FRMD4A: variants seen among roughly 807,000 people sequenced by gnomAD.
The protein encoded by FRMD4A is FERM domain-containing protein 4A.
Under a neutral mutation model 129.1 loss-of-function variants are expected in FRMD4A, and 29 were observed. The ratio of observed to expected loss-of-function variants is 0.22; its 90% CI spans 0.17 to 0.31. The LOEUF is 0.31. Ranked by LOEUF, FRMD4A falls within the 10% of genes least tolerant of loss-of-function variation. The pLI is 1.00. For synonymous variants in FRMD4A, 634 were observed against 571.6 expected (o/e 1.11, Z -1.56); for missense variants, 1,272 against 1,375.8 (o/e 0.92, Z 1.19).
At chr10:14,277,154 G>C (rs1845370715) in intron 2 of FRMD4A, among the ~76,000 whole-genome samples, 1 of 152,180 alleles carries the variant, frequency 6.6e-6, no homozygotes, top group African/African-American at 2.4e-5. Context: ...GAGCCACGGT[G>C]CCTGGCCCCA....
At chr10:13,827,456 T>C (rs1417359879) in intron 3 of FRMD4A, among the ~76,000 whole-genome samples, 1 of 152,222 alleles carries the variant, frequency 6.6e-6, no homozygotes, top group African/African-American at 2.4e-5. Context: ...GAATTTGGCC[T>C]GAAATTTTGG....
chr10:14,201,141 C>T (rs955290911), intron 2 of FRMD4A, among the ~76,000 whole-genome samples: 4 of 152,166 alleles, frequency 2.6e-5, no homozygotes, highest in Non-Finnish European at 4.4e-5. Context: ...CGGACAGCAG[C>T]CCTGACCCCA....
intron 2 of FRMD4A, among the ~76,000 whole-genome samples, chr10:13,993,206 T>C (rs2095609785): frequency 6.6e-6 from 1 of 152,162 alleles, no homozygotes; most frequent in Non-Finnish European, 1.5e-5. Flanking sequence ...GAAGGGACAA[T>C]GGAGAAGCCT....
intron 5 of FRMD4A, among the ~76,000 whole-genome samples, chr10:13,789,353 C>A (rs2130802456): frequency 6.6e-6 from 1 of 152,292 alleles, no homozygotes; most frequent in Non-Finnish European, 1.5e-5. Context: ...GATCGGACTT[C>A]TCCTCTCTTA....
chr10:14,015,974 T>C (rs767489123), intron 2 of FRMD4A, among the ~76,000 whole-genome samples: 1 of 152,218 alleles, frequency 6.6e-6, no homozygotes, highest in South Asian at 2.1e-4. Flanking sequence ...CTCTTCTGTG[T>C]CACTACAACG....
intron 12 of FRMD4A, among the ~76,000 whole-genome samples, chr10:13,733,160 G>A (rs2090423433): frequency 6.6e-6 from 1 of 152,222 alleles, no homozygotes; most frequent in Non-Finnish European, 1.5e-5. Flanking sequence ...CTGAGATCTG[G>A]GATCAGGGTG....
chr10:13,802,945 C>T (rs557700221), intron 4 of FRMD4A, among the ~76,000 whole-genome samples: 5 of 152,142 alleles, frequency 3.3e-5, no homozygotes, highest in South Asian at 4.2e-4. Flanking sequence ...GCCAGGAGTT[C>T]GAGACCAGCC....
At chr10:14,311,965 T>A (rs1300860054) in intron 2 of FRMD4A, among the ~76,000 whole-genome samples, 2 of 152,192 alleles carry the variant, frequency 1.3e-5, no homozygotes, top group African/African-American at 4.8e-5. Context: ...CTCCCTGGTG[T>A]TAAACAATTA....
chr10:13,954,756 C>A (rs1312306604), intron 2 of FRMD4A, among the ~76,000 whole-genome samples: 2 of 152,172 alleles, frequency 1.3e-5, no homozygotes, highest in Non-Finnish European at 2.9e-5. Context: ...CAAGGCAGCA[C>A]CTGCAGTTCA....
At chr10:14,212,634 G>T (rs1278246556) in intron 2 of FRMD4A, among the ~76,000 whole-genome samples, 1 of 152,208 alleles carries the variant, frequency 6.6e-6, no homozygotes, top group Non-Finnish European at 1.5e-5. Context: ...TAGGAGACCA[G>T]GAGGATGACT....
chr10:14,039,359 TGTCC>T (rs60914319), intron 2 of FRMD4A, among the ~76,000 whole-genome samples: 2 of 128,258 alleles, frequency 1.6e-5, no homozygotes, highest in African/African-American at 5.9e-5. Flanking sequence ...CTTTCTGATC[TGTCC>T]GTCCGTCCAT....
At chr10:14,136,612 G>C (rs1249839398) in intron 2 of FRMD4A, among the ~76,000 whole-genome samples, 1 of 152,060 alleles carries the variant, frequency 6.6e-6, no homozygotes, top group East Asian at 1.9e-4. Context: ...AGACCCAAAA[G>C]AATGCCATCA....
At position 14,059,901 on chromosome 10, in the gene FRMD4A, T is replaced by C. The variant is rs180868502; in HGVS notation, c.46-200989A>G. On this transcript the variant is annotated intron_variant, in intron 2 of 24. Transcript: ENST00000357447. ...CCCTTCCAGGTATGAATGTATTTGA[T>C]AATTACAACAATCCTATGAACTAGA... 4.6e-3 allele frequency among the ~76,000 whole-genome samples: 702 copies of C among 152,328 alleles called. 4 individuals carry two copies. Among genetic ancestry groups the C allele is most frequent in the African/African-American group, 0.016 (674 of 41,578 alleles).
At chr10:14,161,569 A>C (rs1025855261) in intron 2 of FRMD4A, among the ~76,000 whole-genome samples, 8 of 152,236 alleles carry the variant, frequency 5.3e-5, no homozygotes, top group Non-Finnish European at 1.2e-4. Context: ...GCACAGAAAG[A>C]AAAATATCAC....
Position 13,977,410 on chromosome 10 carries a change from G to C in FRMD4A, c.46-118498C>G, listed in dbSNP as rs769632435. 2.2e-4 allele frequency among the ~76,000 whole-genome samples: 34 copies of C among 152,276 alleles called. 1 individual carries two copies. The highest frequency in any genetic ancestry group is 3.4e-3 in the Middle Eastern group (1 of 294). Reference sequence around the variant, plus strand: ...ATCTCCATGTGTAATCAAAATGCTGGGTAGCAGTAGTGTTGGAAGCTTTGT... The same window carrying C: ...ATCTCCATGTGTAATCAAAATGCTGCGTAGCAGTAGTGTTGGAAGCTTTGT... On this transcript the variant is annotated intron_variant, in intron 2 of 24. Coordinates refer to ENST00000357447, the MANE Select transcript of FRMD4A (RefSeq NM_018027.5).
intron 2 of FRMD4A, among the ~76,000 whole-genome samples, chr10:14,252,948 T>C (rs1430182404): frequency 1.3e-5 from 2 of 152,256 alleles, no homozygotes; most frequent in Non-Finnish European, 2.9e-5. Flanking sequence ...TCATTTATTC[T>C]TTCTTCATTC....
At chr10:14,040,129 T>C (rs773049554) in intron 2 of FRMD4A, among the ~76,000 whole-genome samples, 16 of 152,134 alleles carry the variant, frequency 1.1e-4, no homozygotes, top group Non-Finnish European at 2.2e-4. Flanking sequence ...AGAGGTTAAG[T>C]CACTGGCTCA....
chr10:13,723,265 C>T (rs1262926277), intron 12 of FRMD4A, among the ~76,000 whole-genome samples: 2 of 152,172 alleles, frequency 1.3e-5, no homozygotes, highest in African/African-American at 4.8e-5. Context: ...TTGCCAGTAA[C>T]CCTGGTTTGT....
chr10:14,231,384 C>T (rs1185397649), intron 2 of FRMD4A, among the ~76,000 whole-genome samples: 3 of 151,388 alleles, frequency 2.0e-5, no homozygotes, highest in Admixed American at 6.6e-5. Flanking sequence ...GCTCTGTCAC[C>T]CAGGCTGGAG....
Sources: allele counts gnomAD v4.1 joint callset (sites outside exome capture counted in the v4.1 genomes callset), GRCh38; gene constraint gnomAD v4.1.1; transcripts MANE v1.5; gene names NCBI Gene and HGNC (gene_info 2026-07-23, HGNC 2026-07-21).